The following RIMS2 variants were observed in gnomAD, a reference collection of about 807,000 sequenced individuals.
RIMS2 encodes the protein regulating synaptic membrane exocytosis 2.
In RIMS2, 59 loss-of-function variants were observed where a neutral mutation model predicts 174.4. The observed-to-expected ratio is 0.34, with a 90% CI of 0.27 to 0.42. RIMS2 has a LOEUF of 0.42. RIMS2 is among the 10% of genes least tolerant of loss of function. The probability of loss-of-function intolerance (pLI) is 1.00; values close to 1 mark genes in which losing one functional copy is unlikely to be tolerated. For synonymous variants in RIMS2, 606 were observed against 572.5 expected, an observed-to-expected ratio of 1.06 and a Z score of -0.84; for missense variants, 1,620 against 1,666.3, an observed-to-expected ratio of 0.97 and a Z score of 0.48.
chr8:103,620,210 C>A (rs1589168894), intron 1 of RIMS2, among the ~76,000 whole-genome samples: 2 of 152,124 alleles, frequency 1.3e-5, no homozygotes, highest in African/African-American at 4.8e-5. Flanking sequence ...AGGTTGTATA[C>A]ATGGCAACTT....
intron 19 of RIMS2, among the ~76,000 whole-genome samples, chr8:104,188,969 T>C (rs1757883366): frequency 6.6e-6 from 1 of 151,980 alleles, no homozygotes; most frequent in Non-Finnish European, 1.5e-5. Context: ...CTCACCAATG[T>C]CTACAAATTG....
At chr8:103,559,831 T>C (rs1169137294) in intron 1 of RIMS2, among the ~76,000 whole-genome samples, 2 of 152,214 alleles carry the variant, frequency 1.3e-5, no homozygotes, top group African/African-American at 4.8e-5. Flanking sequence ...TGAAGGGCTG[T>C]TGGTTACTCA....
intron 1 of RIMS2, among the ~76,000 whole-genome samples, chr8:103,539,324 C>T (rs923833637): frequency 6.6e-6 from 1 of 152,154 alleles, no homozygotes; most frequent in African/African-American, 2.4e-5. Context: ...AATACACCAC[C>T]AAGATGGCAG....
At chr8:103,599,329 G>A (rs1317775174) in intron 1 of RIMS2, among the ~76,000 whole-genome samples, 1 of 150,172 alleles carries the variant, frequency 6.7e-6, no homozygotes, top group African/African-American at 2.5e-5. Flanking sequence ...ATCACAAGTA[G>A]TTAGTGATGA....
At chr8:104,249,501 G>C in exon 22 of RIMS2, 1 of 1,600,558 alleles carries the variant, frequency 6.2e-7, no homozygotes, top group Non-Finnish European at 8.6e-7. Flanking sequence ...CATTCAGGTA[G>C]GAATGATGGA....
chr8:103,645,324 A>T (rs1016000453), intron 1 of RIMS2, among the ~76,000 whole-genome samples: 2 of 152,142 alleles, frequency 1.3e-5, no homozygotes, highest in African/African-American at 4.8e-5. Context: ...TATAAAGAGA[A>T]TACAGGATAT....
intron 3 of RIMS2, among the ~76,000 whole-genome samples, chr8:103,840,678 G>A (rs1055579238): frequency 6.6e-6 from 1 of 151,664 alleles, no homozygotes; most frequent in Non-Finnish European, 1.5e-5. Context: ...TACTATATAC[G>A]ATATACTATA....
At chr8:103,601,601 T>C in intron 1 of RIMS2, among the ~76,000 whole-genome samples, 1 of 150,892 alleles carries the variant, frequency 6.6e-6, no homozygotes, top group Non-Finnish European at 1.5e-5. Context: ...GATCATGGAG[T>C]TTTTTTTTCA....
chr8:103,812,943 A>T (rs997370876), intron 3 of RIMS2, among the ~76,000 whole-genome samples: 5 of 152,206 alleles, frequency 3.3e-5, no homozygotes, highest in Admixed American at 3.3e-4. Flanking sequence ...AGTCAGTAGA[A>T]CAAGAATAAT....
At chr8:103,899,550 G>A (rs1004372364) in intron 4 of RIMS2, among the ~76,000 whole-genome samples, 2 of 151,596 alleles carry the variant, frequency 1.3e-5, no homozygotes, top group African/African-American at 4.9e-5. Flanking sequence ...CATATCCTTT[G>A]CCCACTTGTT....
intron 1 of RIMS2, among the ~76,000 whole-genome samples, chr8:103,537,760 C>T (rs1260158292): frequency 6.6e-6 from 1 of 151,982 alleles, no homozygotes; most frequent in African/African-American, 2.4e-5. Flanking sequence ...TCCCTGACTG[C>T]TGCTTGATTA....
chr8:103,869,112 T>C (rs1032761871), intron 3 of RIMS2, among the ~76,000 whole-genome samples: 1 of 152,100 alleles, frequency 6.6e-6, no homozygotes, highest in Admixed American at 6.6e-5. Flanking sequence ...CACATTGTGT[T>C]TAAGAACATA....
At chr8:104,042,971 A>G (rs1565997681) in intron 19 of RIMS2, among the ~76,000 whole-genome samples, 1 of 151,666 alleles carries the variant, frequency 6.6e-6, no homozygotes, top group Non-Finnish European at 1.5e-5. Flanking sequence ...CAAAAGCCAG[A>G]AAAGTATGTT....
chr8:103,839,043 C>T (rs1005458683), intron 3 of RIMS2, among the ~76,000 whole-genome samples: 9 of 152,078 alleles, frequency 5.9e-5, no homozygotes, highest in African/African-American at 1.9e-4. Flanking sequence ...CCAGCCCGTG[C>T]GACAGGGCGA....
At chr8:103,654,061 C>T (rs1589754956) in intron 1 of RIMS2, among the ~76,000 whole-genome samples, 1 of 151,952 alleles carries the variant, frequency 6.6e-6, no homozygotes, top group South Asian at 2.1e-4. Flanking sequence ...CACACAATGT[C>T]ATTGTTTTGC....
intron 3 of RIMS2, among the ~76,000 whole-genome samples, chr8:103,792,280 C>G (rs2098506536): frequency 6.6e-6 from 1 of 152,166 alleles, no homozygotes; most frequent in African/African-American, 2.4e-5. Flanking sequence ...CTCAAAACCT[C>G]TCACCTACAT....
intron 1 of RIMS2, among the ~76,000 whole-genome samples, chr8:103,559,864 ATTAT>A (rs1373092507): frequency 6.6e-6 from 1 of 152,186 alleles, no homozygotes; most frequent in African/African-American, 2.4e-5. Flanking sequence ...TAGCCAGTGT[ATTAT>A]TTGTTTCAAT....
intron 4 of RIMS2, among the ~76,000 whole-genome samples, chr8:103,907,785 G>A (rs2074771077): frequency 6.8e-6 from 1 of 146,632 alleles, no homozygotes. Context: ...TCGCTCTGTC[G>A]CCCAGGCTGG....
chr8:103,987,079 A>G (rs1261443447), intron 16 of RIMS2, among the ~76,000 whole-genome samples: 1 of 152,162 alleles, frequency 6.6e-6, no homozygotes, highest in Non-Finnish European at 1.5e-5. Context: ...AAAAAAGGAA[A>G]GTTGCCTAAT....
Sources: allele counts gnomAD v4.1 joint callset (sites outside exome capture counted in the v4.1 genomes callset), GRCh38; gene constraint gnomAD v4.1.1; transcripts MANE v1.5; gene names NCBI Gene and HGNC (gene_info 2026-07-23, HGNC 2026-07-21).